LY96: variants seen among roughly 807,000 people sequenced by gnomAD.
The protein encoded by LY96 is lymphocyte antigen 96.
LY96 carries 18 observed loss-of-function variants against 18.9 expected under a neutral mutation model. The observed-to-expected ratio is 0.95, with a 90% confidence interval of 0.66 to 1.41. The LOEUF (loss-of-function observed/expected upper bound fraction) is 1.41. Among genes scored for constraint, LY96 ranks in the 40% most tolerant of loss-of-function variants. The pLI, the probability that LY96 is intolerant of heterozygous loss-of-function variation, is 0.00. For missense variants in LY96, 175 were observed against 182.4 expected (o/e 0.96, Z 0.23); for synonymous variants, 66 against 62.6 (o/e 1.06, Z -0.26).
chr8:74,015,446 G>A lies in LY96; in HGVS notation c.331+5317G>A, dbSNP rs1330605571. Among the ~76,000 whole-genome samples, 3 of 152,232 alleles carry A rather than the reference G, an allele frequency of 2.0e-5. No individual in the cohort carries two copies. In the East Asian group the frequency reaches 5.8e-4, roughly 29 times the overall value. On this transcript the variant is annotated intron_variant, in intron 3 of 4. Coordinates refer to ENST00000284818, the MANE Select transcript of LY96 (RefSeq NM_015364.5). ...TAAGGCATGTCTTGCCTTGTAGATG[G>A]TCATCTTCTTCCTGGGTCCTTTCAC...
At chr8:74,040,698 G>GCTTTTT in the LY96 span, among the ~76,000 whole-genome samples, 1 of 109,238 alleles carries the variant, frequency 9.2e-6, no homozygotes, top group Non-Finnish European at 1.8e-5. Flanking sequence ...CTATGTGTCT[G>GCTTTTT]TTTTTTTTTT....
chr8:74,005,256 C>T (rs1394760673), intron 2 of LY96, among the ~76,000 whole-genome samples: 16 of 152,212 alleles, frequency 1.1e-4, no homozygotes, highest in Admixed American at 1.0e-3. Flanking sequence ...TTCCTTACCA[C>T]ATGGGCATTT....
chr8:74,029,400 C>G (rs926631335), downstream of LY96, among the ~76,000 whole-genome samples: 46 of 152,128 alleles, frequency 3.0e-4, no homozygotes, highest in African/African-American at 1.1e-3. Flanking sequence ...TCCCATAATC[C>G]CCACATGTCA....
At chr8:74,090,235 A>T in the LY96 span, among the ~76,000 whole-genome samples, 5 of 152,176 alleles carry the variant, frequency 3.3e-5, no homozygotes, top group East Asian at 9.6e-4. Flanking sequence ...AAAAGTGGTC[A>T]GATTCTAGGA....
the LY96 span, among the ~76,000 whole-genome samples, chr8:74,081,018 C>CT: frequency 7.6e-6 from 1 of 131,628 alleles, no homozygotes; most frequent in African/African-American, 3.6e-5. Context: ...TTCTTTCTTT[C>CT]TTTCTTTCTT....
chr8:74,025,755 C>T (rs552669432), intron 3 of LY96, among the ~76,000 whole-genome samples: 1 of 152,080 alleles, frequency 6.6e-6, no homozygotes, highest in Admixed American at 6.6e-5. Context: ...TGCCTGTAAT[C>T]CCAGCACTTT....
At chr8:74,064,484 T>C in the LY96 span, among the ~76,000 whole-genome samples, 1 of 152,178 alleles carries the variant, frequency 6.6e-6, no homozygotes, top group Non-Finnish European at 1.5e-5. Flanking sequence ...AAAAATTGTT[T>C]ATTTATTTTT....
chr8:74,002,560 T>G (rs1018896583), intron 1 of LY96, among the ~76,000 whole-genome samples: 2 of 150,772 alleles, frequency 1.3e-5, no homozygotes, highest in African/African-American at 2.4e-5. Context: ...CTCCATGATT[T>G]ATTTATTTAT....
At chr8:74,080,260 T>G in the LY96 span, among the ~76,000 whole-genome samples, 8 of 152,208 alleles carry the variant, frequency 5.3e-5, no homozygotes, top group Non-Finnish European at 1.2e-4. Flanking sequence ...CCTAGCATAA[T>G]GGCCTTTGGG....
chr8:74,091,279 G>A, the LY96 span, among the ~76,000 whole-genome samples: 1 of 152,180 alleles, frequency 6.6e-6, no homozygotes, highest in East Asian at 1.9e-4. Flanking sequence ...CTCTCGAAGT[G>A]GCACCACCTC....
the LY96 span, among the ~76,000 whole-genome samples, chr8:74,055,692 G>A: frequency 8.5e-5 from 13 of 152,184 alleles, no homozygotes; most frequent in African/African-American, 3.1e-4. Flanking sequence ...TCATCCAGGT[G>A]GCACAATCTA....
chr8:74,052,381 G>T, the LY96 span: 2 of 152,252 alleles, frequency 1.3e-5, no homozygotes, highest in African/African-American at 4.8e-5. Flanking sequence ...CCCCAGTTTA[G>T]CCCGTTGGCC....
the LY96 span, among the ~76,000 whole-genome samples, chr8:74,060,180 C>A: frequency 1.3e-5 from 2 of 152,068 alleles, no homozygotes; most frequent in Non-Finnish European, 2.9e-5. Context: ...ACGACGACGA[C>A]AACGAAAAAC....
the LY96 span, among the ~76,000 whole-genome samples, chr8:74,080,981 TC>T: frequency 2.2e-3 from 287 of 128,666 alleles, 9 homozygotes; most frequent in Admixed American, 0.02. Context: ...TCTTTCTTTC[TC>T]TCTCTTTCTT....
intron 3 of LY96, among the ~76,000 whole-genome samples, chr8:74,018,312 A>G (rs571352045): frequency 6.6e-6 from 1 of 152,374 alleles, no homozygotes; most frequent in East Asian, 1.9e-4. Context: ...AACAAAGATC[A>G]AAAGAAACAA....
At chr8:74,058,722 G>A in the LY96 span, among the ~76,000 whole-genome samples, 1 of 152,100 alleles carries the variant, frequency 6.6e-6, no homozygotes, top group East Asian at 1.9e-4. Context: ...GTTTCATCAT[G>A]TTGGCCAGGC....
chr8:74,099,501 GTGCAGCAAAGGTTT>G, the LY96 span: 5 of 152,216 alleles, frequency 3.3e-5, no homozygotes, highest in African/African-American at 1.2e-4. Flanking sequence ...TATGGAGAAT[GTGCAGCAAAGGTTT>G]TCCTGTCATC....
chr8:74,031,591 C>T (rs1816970513), downstream of LY96, among the ~76,000 whole-genome samples: 1 of 150,362 alleles, frequency 6.7e-6, no homozygotes, highest in Non-Finnish European at 1.5e-5. Context: ...GAGATCGTGC[C>T]ACTACTGCAC....
At chr8:74,030,660 G>A (rs1816955222), downstream of LY96, among the ~76,000 whole-genome samples, 1 of 152,156 alleles carries the variant, frequency 6.6e-6, no homozygotes, top group African/African-American at 2.4e-5. Context: ...TTTTCCTGGT[G>A]AAAGATGACA....
Sources: gnomAD v4.1 joint callset for allele counts (sites outside exome capture counted in the v4.1 genomes callset) on GRCh38, gnomAD v4.1.1 for gene constraint, MANE v1.5 for transcripts, NCBI Gene and HGNC (gene_info 2026-07-23, HGNC 2026-07-21) for gene names.